The following SNX31 variants were observed in gnomAD, a reference collection of about 807,000 sequenced individuals.
The protein encoded by SNX31 is sorting nexin 31.
A neutral mutation model predicts 65.4 loss-of-function variants in SNX31; 58 were observed. The observed-to-expected ratio is 0.89, with a 90% CI of 0.72 to 1.10. SNX31 has a LOEUF of 1.10. Among genes scored for constraint, SNX31 ranks in the 50% least tolerant of loss-of-function variants. The pLI is 0.00. For missense variants in SNX31, 523 were observed against 529.7 expected (o/e 0.99, Z 0.12); for synonymous variants, 181 against 190.1 (o/e 0.95, Z 0.39).
At chr8:100,645,192 A>C (rs574401987) in intron 2 of SNX31, among the ~76,000 whole-genome samples, 2 of 152,390 alleles carry the variant, frequency 1.3e-5, no homozygotes, top group African/African-American at 4.8e-5. Flanking sequence ...GCAAATAATC[A>C]GTTAATTATA....
At chr8:100,650,860 T>TTTG (rs751701321), upstream of SNX31, among the ~76,000 whole-genome samples, 9,654 of 150,778 alleles carry the variant, frequency 0.064, 438 homozygotes, top group Non-Finnish European at 0.094. Context: ...GTTTTTTTTT[T>TTTG]TTTTGTTTTG....
rs1816553250 is a variant in SNX31 at position 100,609,911 on chromosome 8, A to G, written c.612-1348T>C. On this transcript the variant is annotated intron_variant, in intron 7 of 13. Coordinates refer to ENST00000311812, the MANE Select transcript of SNX31 (RefSeq NM_152628.4). This position sits in a 1 kb window ranked among gnomAD's most constrained non-coding sequence, Gnocchi z 4.9. Reference sequence around the variant, plus strand: ...CATCATTGGAGAGATGCACCCAGGCATCTCTCCTTAAGGACAGAGAAGTCC... The same window carrying G: ...CATCATTGGAGAGATGCACCCAGGCGTCTCTCCTTAAGGACAGAGAAGTCC... 6.6e-6 allele frequency among the ~76,000 whole-genome samples: 1 copy of G among 152,190 alleles called. No individual in the cohort carries two copies. Among genetic ancestry groups the G allele is most frequent in the African/African-American group, 2.4e-5 (1 of 41,444 alleles).
At chr8:100,647,885 C>T (rs761865802) in intron 2 of SNX31, among the ~76,000 whole-genome samples, 15 of 152,238 alleles carry the variant, frequency 9.9e-5, no homozygotes, top group Non-Finnish European at 2.1e-4. Context: ...GCAGTCCTCA[C>T]AATTCCCCAT....
At chr8:100,627,677 T>C (rs1026773423) in intron 4 of SNX31, among the ~76,000 whole-genome samples, 3 of 152,142 alleles carry the variant, frequency 2.0e-5, no homozygotes, top group Non-Finnish European at 4.4e-5. Flanking sequence ...TAGCTGGGAT[T>C]GCAGGCATGC....
intron 2 of SNX31, among the ~76,000 whole-genome samples, chr8:100,637,625 G>C (rs1332024691): frequency 6.6e-6 from 1 of 152,152 alleles, no homozygotes; most frequent in Non-Finnish European, 1.5e-5. Context: ...CTTCCAACAA[G>C]TCTCTCTGCT....
At chr8:100,650,666 C>CA (rs1819939260), upstream of SNX31, among the ~76,000 whole-genome samples, 1 of 152,124 alleles carries the variant, frequency 6.6e-6, no homozygotes, top group Admixed American at 6.6e-5. Context: ...TTTTCACAAA[C>CA]ACCTGTGGGC....
intron 2 of SNX31, among the ~76,000 whole-genome samples, chr8:100,645,226 A>G (rs1215797857): frequency 6.6e-6 from 1 of 152,254 alleles, no homozygotes; most frequent in Non-Finnish European, 1.5e-5. Context: ...TTCTATCAGG[A>G]TGCAGAACTT....
chr8:100,590,029 G>A (rs1472083655), intron 10 of SNX31, among the ~76,000 whole-genome samples: 1 of 152,116 alleles, frequency 6.6e-6, no homozygotes, highest in Non-Finnish European at 1.5e-5. Context: ...AGCTCCTTTG[G>A]TTCTTAACTT....
intron 2 of SNX31, among the ~76,000 whole-genome samples, chr8:100,642,915 G>A (rs1468396818): frequency 6.6e-6 from 1 of 152,192 alleles, no homozygotes; most frequent in Admixed American, 6.5e-5. Context: ...AACAGGGCGG[G>A]CGTGATGGCT....
rs57664831 is a variant in SNX31 at position 100,581,337 on chromosome 8, C to CTATATATA, written c.1170+2766_1170+2773dup. On this transcript the variant is annotated intron_variant, in intron 12 of 13. Coordinates refer to ENST00000311812, the MANE Select transcript of SNX31 (RefSeq NM_152628.4). ...TATATATCTATATCTATCTATCTAT[C>CTATATATA]TATATATATATATATATATAATTTA... Among the ~76,000 whole-genome samples, 8 of 125,466 alleles carry CTATATATA rather than the reference C, an allele frequency of 6.4e-5. 2 individuals are homozygous for CTATATATA. The highest frequency in any genetic ancestry group is 2.5e-4 in the African/African-American group (8 of 32,154). 82.3% of individuals were successfully genotyped at this position (125,466 alleles called of 152,430 possible).
intron 7 of SNX31, among the ~76,000 whole-genome samples, 167 bp from the exon 8 acceptor site, chr8:100,608,730 C>T (rs73274506): frequency 0.1 from 15,228 of 152,214 alleles, 2,068 homozygotes; most frequent in African/African-American, 0.3. Context: ...CCACCTCTTT[C>T]GTTTCCTAAT....
At chr8:100,585,714 G>GATA (rs1299520456) in intron 11 of SNX31, among the ~76,000 whole-genome samples, 1 of 152,090 alleles carries the variant, frequency 6.6e-6, no homozygotes, top group Non-Finnish European at 1.5e-5. Flanking sequence ...TGCAAAACCA[G>GATA]ATAATAAAAT....
chr8:100,608,477 C>T lies in SNX31; in HGVS notation c.681+17G>A. On this transcript the variant is annotated intron_variant, in intron 8 of 13. Coordinates refer to ENST00000311812, the MANE Select transcript of SNX31 (RefSeq NM_152628.4). ...CCTATGATCTACGGTGCTGTCTGAG[C>T]TCTTGGTGACCCTCACCTGCATGTA... is the stretch of plus-strand genomic sequence containing the variant. The T allele has an allele frequency of 6.2e-7, 1 of 1,613,638 alleles. No individual in the cohort carries two copies. Among genetic ancestry groups the T allele is most frequent in the Non-Finnish European group, 8.5e-7 (1 of 1,179,618 alleles).
chr8:100,581,337 C>CTATATCTATATATATATA (rs1318531944), intron 12 of SNX31, among the ~76,000 whole-genome samples: 1 of 125,466 alleles, frequency 8.0e-6, no homozygotes, highest in African/African-American at 3.1e-5. Context: ...ATCTATCTAT[C>CTATATCTATATATATATA]TATATATATA....
intron 10 of SNX31, 89 bp downstream of exon 10, chr8:100,596,550 G>A (rs886388860): frequency 4.6e-6 from 5 of 1,096,494 alleles, no homozygotes; most frequent in Admixed American, 3.6e-5. Context: ...AGATTCAAAT[G>A]GCAAACCTGT....
rs7832270 is a variant in SNX31, at chr8:100,630,642, A to T, written c.257-251T>A. 0.18 allele frequency among the ~76,000 whole-genome samples: 26,647 copies of T among 152,216 alleles called. 2,770 individuals carry two copies. Among genetic ancestry groups the T allele is most frequent in the African/African-American group, 0.28 (11,470 of 41,504 alleles). ...CCAGGCATCTCACTTTATTTATACA[A>T]ACCCATACTACTGAACATCCATTTT... On this transcript the variant is annotated intron_variant, in intron 3 of 13. Coordinates refer to ENST00000311812, the MANE Select transcript of SNX31 (RefSeq NM_152628.4). This position sits in a 1 kb window ranked among gnomAD's most constrained non-coding sequence, Gnocchi z 5.3.
At chr8:100,652,913 G>A (rs542706132), upstream of SNX31, among the ~76,000 whole-genome samples, 4 of 152,028 alleles carry the variant, frequency 2.6e-5, no homozygotes, top group Non-Finnish European at 4.4e-5. Flanking sequence ...CAGGTGTTGC[G>A]CACATCACCC....
At position 100,626,986 on chromosome 8, in the gene SNX31, T is replaced by C. The variant is rs1818080536; in HGVS notation, c.321+3341A>G. Among the ~76,000 whole-genome samples, 1 of 152,200 alleles carries C rather than the reference T, an allele frequency of 6.6e-6. No homozygotes were observed. Among genetic ancestry groups the C allele is most frequent in the African/African-American group, 2.4e-5 (1 of 41,452 alleles). Reference sequence around the variant, plus strand: ...CACAGCTAGAGGTATAAGGCTTTTGTATGAAGTCACAAAGGCAAAATATTA... The same window carrying C: ...CACAGCTAGAGGTATAAGGCTTTTGCATGAAGTCACAAAGGCAAAATATTA... On this transcript the variant is annotated intron_variant, in intron 4 of 13. Transcript: ENST00000311812. The surrounding 1 kb of genome is among the most constrained non-coding windows in gnomAD (Gnocchi z 4.4).
At chr8:100,615,143 C>A (rs1817059241) in intron 5 of SNX31, among the ~76,000 whole-genome samples, 2 of 152,330 alleles carry the variant, frequency 1.3e-5, no homozygotes, top group South Asian at 4.2e-4. Context: ...TCCAGTTAAA[C>A]TTACCTGATC....
Sources: gnomAD v4.1 joint callset for allele counts (sites outside exome capture counted in the v4.1 genomes callset) on GRCh38, gnomAD v4.1.1 for gene constraint, Gnocchi (gnomAD v3.1) non-coding constraint, MANE v1.5 for transcripts, NCBI Gene and HGNC (gene_info 2026-07-23, HGNC 2026-07-21) for gene names.